Variants in CLIP1 observed in about 807,000 individuals in gnomAD.
CLIP1 encodes CAP-Gly domain containing linker protein 1, also known as CAP-Gly domain-containing linker protein 1.
CLIP1 carries 66 observed loss-of-function variants against 161.6 expected under a neutral mutation model. The observed-to-expected ratio is 0.41, with a 90% CI of 0.33 to 0.50. The LOEUF (loss-of-function observed/expected upper bound fraction) is 0.50. Ranked by LOEUF, CLIP1 falls within the 20% of genes least tolerant of loss-of-function variation. The probability of loss-of-function intolerance (pLI) is 0.27; values close to 1 mark genes in which losing one functional copy is unlikely to be tolerated. For synonymous variants in CLIP1, 598 were observed against 626.2 expected (o/e 0.96, Z 0.67); for missense variants, 1,376 against 1,702.0 (o/e 0.81, Z 3.37).
At chr12:122,318,510 G>C (rs1413958733) in intron 18 of CLIP1, among the ~76,000 whole-genome samples, 1 of 152,126 alleles carries the variant, frequency 6.6e-6, no homozygotes, top group Non-Finnish European at 1.5e-5. Flanking sequence ...AACAGCCTGG[G>C]CAACAAGAGC....
intron 21 of CLIP1, among the ~76,000 whole-genome samples, chr12:122,285,411 G>C (rs1276521412): frequency 1.3e-5 from 2 of 152,090 alleles, no homozygotes; most frequent in Non-Finnish European, 2.9e-5. Flanking sequence ...ATTTTTAGTA[G>C]AGACGGGGTT....
At chr12:122,387,586 ATATATTTTTTTTTTT>A (rs1442742135) in intron 1 of CLIP1, among the ~76,000 whole-genome samples, 1 of 3,548 alleles carries the variant, frequency 2.8e-4, no homozygotes, top group Admixed American at 6.5e-3. Context: ...ATATATATAT[ATATATTTTTTTTTTT>A]TTTTTTTTTT....
At position 122,328,320 on chromosome 12, in the gene CLIP1, C is replaced by G. The variant is rs766914209; in HGVS notation, c.2974G>C (p.Glu992Gln). Residue 992 changes from glutamate to glutamine, a missense_variant, in exon 16 of 26, where the codon GAA (glutamate) becomes CAA (glutamine). By Grantham distance (29) the Glu-to-Gln change is conservative (BLOSUM62 2). Coordinates refer to ENST00000620786, the MANE Select transcript of CLIP1 (RefSeq NM_001247997.2). ...MTVKAEQSQQ[E>Q]AAKKHEEEKK... ...TCTTCCTCATGCTTTTTAGCTGCTT[C>G]TTGCTGGCTCTGTTCAGCTTTGACA... is the stretch of plus-strand genomic sequence containing the variant. 12 of 1,614,014 alleles carry G rather than the reference C, an allele frequency of 7.4e-6. No individual in the cohort carries two copies. The highest frequency in any genetic ancestry group is 9.3e-6 in the Non-Finnish European group (11 of 1,180,024).
intron 1 of CLIP1, among the ~76,000 whole-genome samples, chr12:122,382,394 G>A (rs1020986692): frequency 6.6e-6 from 1 of 151,776 alleles, no homozygotes; most frequent in Admixed American, 6.6e-5. Context: ...GCGTTGTGGC[G>A]CGTGCCTCCT....
At chr12:122,336,507 T>C (rs1401372872) in intron 12 of CLIP1, 125 bp downstream of exon 12, 1 of 629,834 alleles carries the variant, frequency 1.6e-6, no homozygotes, top group Non-Finnish European at 2.8e-6. Flanking sequence ...CAATAACTAA[T>C]ACACTCAAGT....
intron 1 of CLIP1, among the ~76,000 whole-genome samples, chr12:122,407,957 T>G (rs964689930): frequency 6.6e-6 from 1 of 151,856 alleles, no homozygotes; most frequent in Non-Finnish European, 1.5e-5. Flanking sequence ...TGGGTTTTTT[T>G]CTTTTCATAA....
intron 11 of CLIP1, among the ~76,000 whole-genome samples, chr12:122,337,812 G>C (rs1006138248): frequency 1.3e-5 from 2 of 151,874 alleles, no homozygotes; most frequent in South Asian, 4.2e-4. Context: ...TCAGGAGATC[G>C]AGGCCATCCT....
chr12:122,406,164 G>A lies in CLIP1; in HGVS notation c.-107+16357C>T, dbSNP rs114616716. 9.7e-3 allele frequency among the ~76,000 whole-genome samples: 1,482 copies of A among 152,220 alleles called. 25 individuals are homozygous for A. The highest frequency in any genetic ancestry group is 0.034 in the African/African-American group (1,414 of 41,528). ...ACTGTTTATTTAAAAGGTCAATGCC[G>A]GCCAGCTCAGTGGCTCACGCCCATA... On this transcript the variant is annotated intron_variant, in intron 1 of 25. Transcript: ENST00000620786.
intron 1 of CLIP1, among the ~76,000 whole-genome samples, chr12:122,411,140 G>C (rs1184430482): frequency 6.6e-6 from 1 of 152,172 alleles, no homozygotes; most frequent in African/African-American, 2.4e-5. Flanking sequence ...CAAGAGCCAG[G>C]CATAGTGGCT....
rs1952479589 is a variant in CLIP1, at chr12:122,341,165, T to C, written c.2039A>G (p.Gln680Arg). The change falls in exon 11 of 26, where the codon CAA becomes CGA. Residue 680 changes from glutamine to arginine, a missense_variant. Physicochemically the swap from Gln to Arg is conservative, Grantham distance 43. Around this residue, in one of 6 missense-constraint regions of CLIP1, gnomAD observed 948 missense variants for 1,134.8 expected, o/e 0.84. Transcript: ENST00000620786. ...ATGGGCAGCCCGTTCAGAGTCTTGT[T>C]GATTCTGCAAATTTTCTATTTCGTG... Reference protein sequence around the residue: ...YQHEIENLQNQQDSERAAHAK... With the variant: ...YQHEIENLQNRQDSERAAHAK... 6.2e-7 allele frequency: 1 copy of C among 1,614,120 alleles called. No individual in the cohort carries two copies. Among genetic ancestry groups the C allele is most frequent in the Admixed American group, 1.7e-5 (1 of 60,004 alleles).
At chr12:122,397,042 G>A (rs145448281) in intron 1 of CLIP1, among the ~76,000 whole-genome samples, 1 of 140,396 alleles carries the variant, frequency 7.1e-6, no homozygotes, top group Non-Finnish European at 1.5e-5. Flanking sequence ...GCCTCCCAAA[G>A]TGCTGGGATT....
Position 122,328,346 on chromosome 12 carries a change from G to T in CLIP1, c.2948C>A (p.Thr983Asn). 3 of 1,613,864 alleles carry T rather than the reference G, an allele frequency of 1.9e-6. No individual in the cohort carries two copies. The highest frequency in any genetic ancestry group is 2.5e-6 in the Non-Finnish European group (3 of 1,179,952). Residue 983 changes from threonine to asparagine, a missense_variant, in exon 16 of 26, where the codon ACT becomes AAT. Coordinates refer to ENST00000620786, the MANE Select transcript of CLIP1 (RefSeq NM_001247997.2). Reference protein sequence around the residue: ...SFLQKSIEDMTVKAEQSQQEA... With the variant: ...SFLQKSIEDMNVKAEQSQQEA... The stretch of plus-strand genomic sequence containing the variant: ...TTGCTGGCTCTGTTCAGCTTTGACA[G>T]TCATGTCCTCAATACTTTTTTGCAG...
At chr12:122,276,445 C>T in intron 24 of CLIP1, 1 of 1,285,838 alleles carries the variant, frequency 7.8e-7, no homozygotes, top group Non-Finnish European at 1.0e-6. Context: ...GAACCATTTG[C>T]TGATTGGAAG....
At chr12:122,405,856 G>A (rs1235398566) in intron 1 of CLIP1, among the ~76,000 whole-genome samples, 4 of 152,016 alleles carry the variant, frequency 2.6e-5, no homozygotes, top group African/African-American at 9.7e-5. Flanking sequence ...ATCACCTGAG[G>A]TCAGACGTTC....
At chr12:122,359,515 A>C (rs558859646) in intron 5 of CLIP1, among the ~76,000 whole-genome samples, 2 of 152,354 alleles carry the variant, frequency 1.3e-5, no homozygotes, top group Admixed American at 6.5e-5. Context: ...GACCCACATT[A>C]AACAAAGCTC....
At chr12:122,380,116 G>C (rs559071286) in intron 2 of CLIP1, among the ~76,000 whole-genome samples, 1 of 150,928 alleles carries the variant, frequency 6.6e-6, no homozygotes, top group African/African-American at 2.4e-5. Flanking sequence ...GGTAGTATGC[G>C]CCTATATTCC....
At chr12:122,387,547 CATATATATATATATAT>C (rs773688335) in intron 1 of CLIP1, among the ~76,000 whole-genome samples, 52 of 40,376 alleles carry the variant, frequency 1.3e-3, no homozygotes, top group African/African-American at 3.1e-3. Context: ...CATGCCTTTT[CATATATATATATATAT>C]ATATATATAT....
chr12:122,306,998 CTTTTTTTTTTTTTTTTTT>C (rs56949793), intron 20 of CLIP1, among the ~76,000 whole-genome samples: 23 of 81,016 alleles, frequency 2.8e-4, no homozygotes, highest in South Asian at 1.3e-3. Flanking sequence ...GGTAAGTTCA[CTTTTTTTTTTTTTTTTTT>C]TTTTTTTTTT....
chr12:122,414,846 G>A (rs562621029), intron 1 of CLIP1, among the ~76,000 whole-genome samples: 3 of 151,920 alleles, frequency 2.0e-5, no homozygotes, highest in Non-Finnish European at 2.9e-5. Flanking sequence ...TAAAGCATAC[G>A]GATTCTTTGA....
Sources: gnomAD v4.1 joint callset for allele counts (sites outside exome capture counted in the v4.1 genomes callset) on GRCh38, gnomAD v4.1.1 for gene constraint, gnomAD v4.1.1 regional missense constraint, MANE v1.5 for transcripts, NCBI Gene and HGNC (gene_info 2026-07-23, HGNC 2026-07-21) for gene names.